The following ZFP64 variants were observed in gnomAD, a reference collection of about 807,000 sequenced individuals.
The protein encoded by ZFP64 is ZFP64 zinc finger protein, also known as zinc finger protein 64.
A neutral mutation model predicts 51.6 loss-of-function variants in ZFP64; 14 were observed. That is an observed-to-expected ratio of 0.27 (90% CI 0.18 to 0.42). The LOEUF (loss-of-function observed/expected upper bound fraction) is 0.42, where lower values mean the gene tolerates loss of function less well. Ranked by LOEUF, ZFP64 falls within the 10% of genes least tolerant of loss-of-function variation. ZFP64 has a pLI of 1.00. For synonymous variants in ZFP64, 375 were observed against 361.4 expected (o/e 1.04, Z -0.43); for missense variants, 754 against 906.8 (o/e 0.83, Z 2.16).
chr20:52,129,448 C>G (rs541288430), intron 5 of ZFP64, among the ~76,000 whole-genome samples: 2 of 151,914 alleles, frequency 1.3e-5, no homozygotes, highest in Non-Finnish European at 2.9e-5. Flanking sequence ...TGTGAGCCAC[C>G]GTACCCAGCC....
intron 7 of ZFP64, among the ~76,000 whole-genome samples, chr20:52,091,791 C>T (rs750164914): frequency 1.5e-4 from 22 of 144,042 alleles, no homozygotes; most frequent in Non-Finnish European, 2.6e-4. Context: ...AGTTCGAGAC[C>T]AACCTGACCA....
chr20:52,145,302 T>C lies in ZFP64; in HGVS notation c.763+14821A>G, dbSNP rs531211642. ...CAGCACGTGAATGTGCTGAGTACTA[T>C]AGGTAATGGTAACACAATGGTAAGT... is the stretch of plus-strand genomic sequence containing the variant. On this transcript the variant is annotated intron_variant, in intron 5 of 8. Transcript: ENST00000361387. Among the ~76,000 whole-genome samples, 30 of 152,324 alleles carry C rather than the reference T, an allele frequency of 2.0e-4. No homozygotes were observed. The Middle Eastern group carries it at 0.017, about 86-fold the overall frequency.
At chr20:52,109,858 A>G (rs1412705597) in intron 5 of ZFP64, among the ~76,000 whole-genome samples, 2 of 152,088 alleles carry the variant, frequency 1.3e-5, no homozygotes, top group Non-Finnish European at 2.9e-5. Context: ...ATAGGTGACA[A>G]CTTTTCATTG....
intron 5 of ZFP64, among the ~76,000 whole-genome samples, chr20:52,129,752 C>G (rs1979631380): frequency 6.6e-6 from 1 of 152,116 alleles, no homozygotes; most frequent in Non-Finnish European, 1.5e-5. Context: ...CTCTGTATCC[C>G]ATTAAAGCAC....
intron 4 of ZFP64, among the ~76,000 whole-genome samples, chr20:52,161,116 G>A (rs759072943): frequency 2.2e-4 from 34 of 152,296 alleles, no homozygotes; most frequent in Non-Finnish European, 4.3e-4. Context: ...GGACAGAGCT[G>A]CCCACCTGTC....
chr20:52,181,933 G>A (rs1049348308), intron 2 of ZFP64, among the ~76,000 whole-genome samples: 2 of 152,192 alleles, frequency 1.3e-5, no homozygotes, highest in African/African-American at 4.8e-5. Flanking sequence ...TGCTTGTTTA[G>A]TTGGCACAGA....
rs1981308406 is a variant in ZFP64, at chr20:52,156,225, CCCA to C, written c.764-2800_764-2798del. Among the ~76,000 whole-genome samples the C allele has an allele frequency of 2.0e-5, 3 of 152,194 alleles. No homozygotes were observed. In the South Asian group the frequency reaches 6.2e-4, roughly 31 times the overall value. On this transcript the variant is annotated intron_variant, in intron 5 of 5. Transcript: ENST00000216923. ...AAAATGTTCCCAAATCTTCCCACCTCCCACCCCTCCTTTAGCACGGCCTCTGCC... is the reference window on the plus strand; with the variant it reads ...AAAATGTTCCCAAATCTTCCCACCTCCCCCTCCTTTAGCACGGCCTCTGCC...
chr20:52,152,640 C>T lies in ZFP64; in HGVS notation c.1552G>A (p.Ala518Thr). The part of the protein sequence containing the change: ...ANTIVQAAAA[A>T]VNIVPPALVA... ...AAGGCAGGCGGGACGATGTTCACTG[C>T]AGCGGCGGCAGCCTGGACGATGGTG... is the stretch of plus-strand genomic sequence containing the variant. The change falls in exon 6 of 6, where the codon GCA becomes ACA. Residue 518 changes from alanine to threonine, a missense_variant. Transcript: ENST00000216923. The T allele has an allele frequency of 1.3e-6, 2 of 1,533,856 alleles. No homozygotes were observed. Among genetic ancestry groups the T allele is most frequent in the Non-Finnish European group, 8.7e-7 (1 of 1,144,684 alleles).
chr20:52,097,252 G>T, intron 7 of ZFP64: 1 of 1,203,914 alleles, frequency 8.3e-7, no homozygotes, highest in Non-Finnish European at 1.2e-6. Context: ...CACCCCACTA[G>T]ACTGAGTTTC....
chr20:52,151,572 A>T lies in ZFP64; in HGVS notation c.*574T>A. ...AACAAACACATGAATTCACTACTTA[A>T]TGCATTTAATTCCAACCCCTCATTG... On this transcript the variant is annotated 3_prime_UTR_variant, in exon 6 of 6. Transcript: ENST00000216923. The T allele has an allele frequency of 1.0e-6, 1 of 986,222 alleles. No homozygotes were observed. Among genetic ancestry groups the T allele is most frequent in the Non-Finnish European group, 1.2e-6 (1 of 830,516 alleles). 61.1% of individuals were successfully genotyped at this position (986,222 alleles called of 1,614,324 possible). A position where few individuals can be genotyped will look rare whatever the true frequency, so the allele number is the denominator to read the frequency against.
At chr20:52,091,605 C>A (rs2078927854) in intron 7 of ZFP64, among the ~76,000 whole-genome samples, 2 of 152,090 alleles carry the variant, frequency 1.3e-5, no homozygotes, top group Non-Finnish European at 2.9e-5. Flanking sequence ...TCAAAAATGT[C>A]ATCTTGGAAG....
intron 4 of ZFP64, 24 bp downstream of exon 4, chr20:52,164,671 A>G (rs768181047): frequency 3.0e-5 from 49 of 1,607,304 alleles, no homozygotes; most frequent in Admixed American, 6.7e-5. Context: ...TTGAGGGCAT[A>G]TGCGCTAAAG....
At chr20:52,188,613 G>A (rs906874740) in intron 1 of ZFP64, among the ~76,000 whole-genome samples, 4 of 151,086 alleles carry the variant, frequency 2.6e-5, no homozygotes, top group African/African-American at 7.3e-5. Flanking sequence ...CACCGCACCC[G>A]GCCGACATTA....
intron 2 of ZFP64, among the ~76,000 whole-genome samples, chr20:52,178,127 C>T (rs1295288231): frequency 1.3e-5 from 2 of 152,164 alleles, no homozygotes; most frequent in African/African-American, 2.4e-5. Context: ...TCAGATTCCC[C>T]GGACCTTGCT....
chr20:52,171,838 C>A (rs1316987161), intron 2 of ZFP64, among the ~76,000 whole-genome samples: 1 of 151,822 alleles, frequency 6.6e-6, no homozygotes, highest in South Asian at 2.1e-4. Flanking sequence ...ATCTCTGCCT[C>A]CTGGGTTCAA....
chr20:52,164,785 C>G, intron 3 of ZFP64, 28 bp from the exon 4 acceptor site: 1 of 1,594,864 alleles, frequency 6.3e-7, no homozygotes, highest in Non-Finnish European at 8.6e-7. Context: ...AGATTAATTA[C>G]AAAGGAAAAC....
chr20:52,136,509 CTTAT>C (rs1171836289), intron 5 of ZFP64, among the ~76,000 whole-genome samples: 1 of 151,998 alleles, frequency 6.6e-6, no homozygotes, highest in Non-Finnish European at 1.5e-5. Context: ...TTTCTATATT[CTTAT>C]TTATGTGAAT....
At chr20:52,161,714 C>T (rs949314678) in intron 4 of ZFP64, among the ~76,000 whole-genome samples, 2 of 151,934 alleles carry the variant, frequency 1.3e-5, no homozygotes, top group East Asian at 1.9e-4. Context: ...GCACTGATAG[C>T]GTGTATCATA....
intron 5 of ZFP64, among the ~76,000 whole-genome samples, chr20:52,128,391 C>T (rs1979548054): frequency 6.6e-6 from 1 of 152,170 alleles, no homozygotes; most frequent in Non-Finnish European, 1.5e-5. Flanking sequence ...TGTCAATGGA[C>T]AAGGTGGGTA....
Sources: allele counts gnomAD v4.1 joint callset (sites outside exome capture counted in the v4.1 genomes callset), GRCh38; gene constraint gnomAD v4.1.1; transcripts MANE v1.5; gene names NCBI Gene and HGNC (gene_info 2026-07-23, HGNC 2026-07-21).